Variants in SBSPON observed in about 807,000 individuals in gnomAD.
SBSPON encodes somatomedin B and thrombospondin type 1 domain containing, also known as somatomedin-B and thrombospondin type-1 domain-containing protein.
In SBSPON, 30 loss-of-function variants were observed where a neutral mutation model predicts 35.8. The observed-to-expected ratio is 0.84, with a 90% CI of 0.63 to 1.14. The LOEUF is 1.14. Among genes scored for constraint, SBSPON ranks in the 50% most tolerant of loss-of-function variants. The pLI, the probability that SBSPON is intolerant of heterozygous loss-of-function variation, is 0.00. For synonymous variants in SBSPON, 136 were observed against 135.9 expected (o/e 1.00, Z 0.00); for missense variants, 364 against 357.7 (o/e 1.02, Z -0.14).
intron 1 of SBSPON, among the ~76,000 whole-genome samples, chr8:73,082,173 T>C (rs1810719602): frequency 1.3e-5 from 2 of 152,248 alleles, no homozygotes; most frequent in Admixed American, 6.5e-5. Flanking sequence ...AAAATCAATA[T>C]GGCGTCACGT....
intron 2 of SBSPON, among the ~76,000 whole-genome samples, chr8:73,076,656 GAA>G (rs373146418): frequency 7.2e-6 from 1 of 139,684 alleles, no homozygotes; most frequent in Non-Finnish European, 1.6e-5. Context: ...TATATGAAAA[GAA>G]AAAAAAAAAG....
At chr8:73,086,577 G>C (rs1015690276) in intron 1 of SBSPON, among the ~76,000 whole-genome samples, 12 of 152,110 alleles carry the variant, frequency 7.9e-5, no homozygotes, top group Non-Finnish European at 1.3e-4. Flanking sequence ...CCCTCAGAAA[G>C]CTCAAATAAA....
chr8:73,076,578 C>T (rs539592014), intron 2 of SBSPON, among the ~76,000 whole-genome samples: 1 of 151,136 alleles, frequency 6.6e-6, no homozygotes, highest in East Asian at 2.0e-4. Context: ...ACCTGGGAGG[C>T]AGAGGTTGCA....
chr8:73,093,033 G>T lies in SBSPON; in HGVS notation c.35C>A (p.Ser12Ter). Residue 12 changes from serine (S) to a stop codon, truncating the protein, a stop_gained, in exon 1 of 5, where the codon TCG (serine) becomes TAG (stop). Coordinates refer to ENST00000297354, the MANE Select transcript of SBSPON (RefSeq NM_153225.4). LOFTEE classifies it high-confidence loss of function. ...RTLWMALCAL[S>*]RLWPGAQAGC... ...GGCCTGGGCCCCGGGCCACAGCCGC[G>T]ACAGCGCGCACAGCGCCATCCACAG... 7.2e-7 allele frequency: 1 copy of T among 1,388,086 alleles called. No individual in the cohort carries two copies. Among genetic ancestry groups the T allele is most frequent in the Non-Finnish European group, 9.3e-7 (1 of 1,077,224 alleles). 86.0% of individuals were successfully genotyped at this position (1,388,086 alleles called of 1,614,324 possible).
At chr8:73,069,732 G>A in intron 4 of SBSPON, 73 bp downstream of exon 4, 1 of 1,268,076 alleles carries the variant, frequency 7.9e-7, no homozygotes, top group Non-Finnish European at 1.1e-6. Flanking sequence ...CTGGTCAGCT[G>A]TCTGGACATG....
chr8:73,073,320 A>G (rs1810532582), intron 2 of SBSPON, among the ~76,000 whole-genome samples: 1 of 152,212 alleles, frequency 6.6e-6, no homozygotes, highest in South Asian at 2.1e-4. Context: ...GGGTAGATAC[A>G]AGCTGATATC....
At chr8:73,080,240 C>A (rs966514377) in intron 2 of SBSPON, among the ~76,000 whole-genome samples, 1 of 152,098 alleles carries the variant, frequency 6.6e-6, no homozygotes, top group Non-Finnish European at 1.5e-5. Flanking sequence ...AAAGGCCGGG[C>A]GCAGTGGCTC....
At position 73,065,254 on chromosome 8, in the gene SBSPON, A is replaced by T. The variant is rs777867179; in HGVS notation, c.*2087T>A. On this transcript the variant is annotated 3_prime_UTR_variant, in exon 5 of 5. Coordinates refer to ENST00000297354, the MANE Select transcript of SBSPON (RefSeq NM_153225.4). ...TGAAAAATTTATTTTATACACCTCA[A>T]TTATGTTAAATGTTATAACACATAT... The T allele has an allele frequency of 6.6e-6, 1 of 152,214 alleles. No individual in the cohort carries two copies. 9.4% of individuals were successfully genotyped at this position (152,214 alleles called of 1,614,324 possible). A position where few individuals can be genotyped will look rare whatever the true frequency, so the allele number is the denominator to read the frequency against.
At position 73,084,392 on chromosome 8, in the gene SBSPON, A is replaced by G. The variant is rs184621537; in HGVS notation, c.215-3179T>C. ...TATCACTAATTTTTTAAAAGTATAA[A>G]TGACTTAAACTCCCTCATTTCCTTT... is the stretch of plus-strand genomic sequence containing the variant. On this transcript the variant is annotated intron_variant, in intron 1 of 4. Transcript: ENST00000297354. Among the ~76,000 whole-genome samples the G allele has an allele frequency of 1.1e-4, 16 of 152,336 alleles. 1 individual carries two copies. The highest frequency in any genetic ancestry group is 2.1e-4 in the South Asian group (1 of 4,826).
In SBSPON at chr8:73,085,628, C is replaced by T. The variant is rs962842504; in HGVS notation, c.215-4415G>A. The T allele has an allele frequency of 1.2e-4, 18 of 150,354 alleles. No homozygotes were observed. In the East Asian group the frequency reaches 1.4e-3, roughly 12 times the overall value. 9.3% of individuals were successfully genotyped at this position (150,354 alleles called of 1,614,324 possible). On this transcript the variant is annotated intron_variant, in intron 1 of 4. Transcript: ENST00000297354. Reference sequence around the variant, plus strand: ...ACTTTCTCCAGGTCTGTTCGCAGCTCGAGGAGTTGTGCCAGCCAGAGCAAG... The same window carrying T: ...ACTTTCTCCAGGTCTGTTCGCAGCTTGAGGAGTTGTGCCAGCCAGAGCAAG...
intron 2 of SBSPON, among the ~76,000 whole-genome samples, chr8:73,072,618 G>A (rs534353294): frequency 1.1e-4 from 16 of 152,296 alleles, no homozygotes; most frequent in South Asian, 2.1e-4. Flanking sequence ...TCAGTGAGCC[G>A]ACATCGCGCC....
At chr8:73,085,247 G>A (rs1280715346) in intron 1 of SBSPON, among the ~76,000 whole-genome samples, 1 of 152,118 alleles carries the variant, frequency 6.6e-6, no homozygotes, top group Non-Finnish European at 1.5e-5. Flanking sequence ...CTTAAGATCA[G>A]GTAGGTCCAA....
intron 2 of SBSPON, among the ~76,000 whole-genome samples, chr8:73,079,915 G>A (rs1235095434): frequency 1.3e-5 from 2 of 151,860 alleles, no homozygotes; most frequent in Non-Finnish European, 2.9e-5. Flanking sequence ...ATTTGTGTGT[G>A]AAAAAAAAGA....
At chr8:73,088,352 G>T (rs897477532) in intron 1 of SBSPON, among the ~76,000 whole-genome samples, 1 of 152,122 alleles carries the variant, frequency 6.6e-6, no homozygotes, top group Non-Finnish European at 1.5e-5. Context: ...AGTCAAAAAA[G>T]GCTTTAGGCA....
chr8:73,075,591 C>T (rs1304597690), intron 2 of SBSPON: 1 of 153,244 alleles, frequency 6.5e-6, no homozygotes, highest in Non-Finnish European at 1.4e-5. Flanking sequence ...TATCAGCCTC[C>T]CATTGTTTGG....
At chr8:73,073,919 T>TCTAAATG (rs936080286) in intron 2 of SBSPON, among the ~76,000 whole-genome samples, 6 of 152,330 alleles carry the variant, frequency 3.9e-5, no homozygotes, top group African/African-American at 1.4e-4. Flanking sequence ...TTAATTGTTT[T>TCTAAATG]CTAAATGTGA....
intron 2 of SBSPON, among the ~76,000 whole-genome samples, chr8:73,079,179 T>C (rs1810649938): frequency 6.6e-6 from 1 of 152,168 alleles, no homozygotes; most frequent in African/African-American, 2.4e-5. Flanking sequence ...ACCCAGCATC[T>C]GTTGGCCACT....
intron 2 of SBSPON, among the ~76,000 whole-genome samples, chr8:73,078,328 G>A (rs559310316): frequency 3.3e-4 from 51 of 152,290 alleles, no homozygotes; most frequent in African/African-American, 1.2e-3. Flanking sequence ...CCAGCAGGAG[G>A]GGAATGCTGG....
intron 2 of SBSPON, chr8:73,074,604 C>T: frequency 5.1e-6 from 5 of 982,010 alleles, no homozygotes; most frequent in Non-Finnish European, 6.0e-6. Flanking sequence ...ATATAGATGA[C>T]AAAGTTCCAG....
Sources: allele counts gnomAD v4.1 joint callset (sites outside exome capture counted in the v4.1 genomes callset), GRCh38; gene constraint gnomAD v4.1.1; transcripts MANE v1.5; gene names NCBI Gene and HGNC (gene_info 2026-07-23, HGNC 2026-07-21).